AKAP9: variants seen among roughly 807,000 people sequenced by gnomAD.
AKAP9 encodes A-kinase anchor protein 9.
In AKAP9, 311 loss-of-function variants were observed where a neutral mutation model predicts 488.5. The ratio of observed to expected loss-of-function variants is 0.64; its 90% CI spans 0.58 to 0.70. The LOEUF is 0.70. AKAP9 is among the 30% of genes least tolerant of loss of function. The pLI, the probability that AKAP9 is intolerant of heterozygous loss-of-function variation, is 0.00. For missense variants in AKAP9, 4,215 were observed against 4,374.5 expected, an observed-to-expected ratio of 0.96 and a Z score of 1.03; for synonymous variants, 1,462 against 1,483.5, an observed-to-expected ratio of 0.99 and a Z score of 0.33.
chr7:92,062,190 A>G (rs913739227), intron 23 of AKAP9, 84 bp from the exon 24 acceptor site: 3 of 1,246,054 alleles, frequency 2.4e-6, no homozygotes, highest in East Asian at 2.4e-5. Context: ...TGCTAACAGT[A>G]TACCTTTTGT....
chr7:92,108,829 G>A (rs1818932956), intron 49 of AKAP9, 196 bp downstream of exon 49: 1 of 703,986 alleles, frequency 1.4e-6, no homozygotes, highest in Non-Finnish European at 2.5e-6. Flanking sequence ...GTGAAAATAT[G>A]ATTTATCACC....
chr7:92,070,829 G>T, intron 27 of AKAP9, 76 bp from the exon 28 acceptor site: 285 of 710,372 alleles, frequency 4.0e-4, no homozygotes, highest in Non-Finnish European at 5.5e-4. Context: ...AAAAAAAGCA[G>T]ACCAAAAAAC....
chr7:92,085,456 A>C (rs1418447697), intron 35 of AKAP9, 39 bp from the exon 36 acceptor site: 2 of 1,575,116 alleles, frequency 1.3e-6, no homozygotes, highest in Admixed American at 1.7e-5. Context: ...GTCTGTGAAG[A>C]AGTTGTCATA....
chr7:91,992,836 TA>T, intron 4 of AKAP9, 48 bp from the exon 5 acceptor site: 2 of 1,549,932 alleles, frequency 1.3e-6, no homozygotes, highest in Non-Finnish European at 1.8e-6. Flanking sequence ...TCTCTCTCCC[TA>T]AGGAATATTG....
chr7:91,977,908 T>C (rs555766803), intron 2 of AKAP9, among the ~76,000 whole-genome samples: 1 of 152,162 alleles, frequency 6.6e-6, no homozygotes, highest in Non-Finnish European at 1.5e-5. Context: ...ATGCACTTAA[T>C]GAATATGAGG....
At chr7:92,109,965 G>C (rs901801355) in intron 49 of AKAP9, among the ~76,000 whole-genome samples, 157 bp from the exon 50 acceptor site, 1 of 152,030 alleles carries the variant, frequency 6.6e-6, no homozygotes, top group Non-Finnish European at 1.5e-5. Flanking sequence ...GTAGTGGGGA[G>C]AGACTCAGTT....
chr7:91,979,438 C>G (rs923875291), intron 2 of AKAP9, among the ~76,000 whole-genome samples: 7 of 152,106 alleles, frequency 4.6e-5, no homozygotes, highest in Admixed American at 1.3e-4. Context: ...CCCACCAGGT[C>G]TCTCCCAAAA....
At chr7:91,994,383 C>T (rs1798136167) in intron 5 of AKAP9, among the ~76,000 whole-genome samples, 1 of 152,126 alleles carries the variant, frequency 6.6e-6, no homozygotes, top group South Asian at 2.1e-4. Context: ...AGGCACTTGT[C>T]CTTCTATAAG....
chr7:91,941,207 A>G, intron 1 of AKAP9, 60 bp downstream of exon 1: 1 of 1,450,578 alleles, frequency 6.9e-7, no homozygotes, highest in Non-Finnish European at 9.7e-7. Context: ...ACGGGGTGGG[A>G]GGGGGCCTGG....
At chr7:92,011,718 A>G (rs1051691780) in intron 8 of AKAP9, among the ~76,000 whole-genome samples, 1 of 152,236 alleles carries the variant, frequency 6.6e-6, no homozygotes, top group African/African-American at 2.4e-5. Context: ...TTTAATATAT[A>G]GGAAAGAGAC....
At chr7:91,969,039 T>A (rs567943657) in intron 1 of AKAP9, among the ~76,000 whole-genome samples, 3 of 151,740 alleles carry the variant, frequency 2.0e-5, no homozygotes, top group Non-Finnish European at 4.4e-5. Context: ...GCCTAGCCAA[T>A]GTTTTGAAAT....
chr7:92,107,721 G>A (rs1818739442), intron 48 of AKAP9: 1 of 286,954 alleles, frequency 3.5e-6, no homozygotes, highest in Non-Finnish European at 6.8e-6. Flanking sequence ...CGTGGTGGCA[G>A]GCGCCTGTGG....
At chr7:92,073,222 C>T (rs1207609885) in intron 28 of AKAP9, among the ~76,000 whole-genome samples, 1 of 151,760 alleles carries the variant, frequency 6.6e-6, no homozygotes, top group Non-Finnish European at 1.5e-5. Context: ...ACAGGCCAGG[C>T]GTGGTGACTC....
Position 92,091,600 on chromosome 7 carries a change from A to AC in AKAP9, c.9359-1497_9359-1496insC, listed in dbSNP as rs1584515086. 6.0e-5 allele frequency among the ~76,000 whole-genome samples: 9 copies of AC among 151,180 alleles called. No homozygotes were observed. The East Asian group carries it at 9.7e-4, about 16-fold the overall frequency. ...GACTCTGTCTCAAAAAAAAAAAACA[A>AC]AAAAAAAAAACAAAGCAGAAGCATT... On this transcript the variant is annotated intron_variant, in intron 38 of 49. Transcript: ENST00000356239.
At position 92,084,896 on chromosome 7, in the gene AKAP9, G is replaced by A. The variant is rs779620641; in HGVS notation, c.8788G>A (p.Glu2930Lys). 1.2e-6 allele frequency: 2 copies of A among 1,613,448 alleles called. No homozygotes were observed. The highest frequency in any genetic ancestry group is 8.5e-7 in the Non-Finnish European group (1 of 1,179,646). The change falls in exon 35 of 50, where the codon GAA becomes AAA. Residue 2930 changes from glutamate to lysine, a missense_variant. Transcript: ENST00000356239. ...GFDIASEGRG[E>K]ESESATDSFP... ...TGACATAGCATCAGAAGGCCGAGGA[G>A]AAGAAAGTGAAAGTGCAACAGATTC...
At chr7:92,022,394 A>T (rs1276917141) in intron 13 of AKAP9, 42 bp downstream of exon 13, 1 of 1,368,852 alleles carries the variant, frequency 7.3e-7, no homozygotes, top group East Asian at 2.3e-5. Context: ...TTTTTATAGC[A>T]AATATTGAGT....
chr7:91,994,253 GGACATTGATGAGGAT>G (rs1798122791), intron 5 of AKAP9, among the ~76,000 whole-genome samples: 1 of 152,122 alleles, frequency 6.6e-6, no homozygotes, highest in South Asian at 2.1e-4. Context: ...AGATGAAGTA[GGACATTGATGAGGAT>G]GACAAAAATA....
intron 1 of AKAP9, among the ~76,000 whole-genome samples, chr7:91,958,700 C>T (rs1793350797): frequency 6.6e-6 from 1 of 152,030 alleles, no homozygotes; most frequent in Non-Finnish European, 1.5e-5. Flanking sequence ...AAAACAATTA[C>T]CTGTTGTGTT....
At chr7:92,030,883 A>G (rs1804127224) in intron 15 of AKAP9, among the ~76,000 whole-genome samples, 1 of 152,126 alleles carries the variant, frequency 6.6e-6, no homozygotes, top group Admixed American at 6.5e-5. Context: ...CACTCAGTAG[A>G]TTTTTAGCTC....
Sources: allele counts gnomAD v4.1 joint callset (sites outside exome capture counted in the v4.1 genomes callset), GRCh38; gene constraint gnomAD v4.1.1; transcripts MANE v1.5; gene names NCBI Gene and HGNC (gene_info 2026-07-23, HGNC 2026-07-21).